The following IL13RA2 variants were observed in gnomAD, a reference collection of about 807,000 sequenced individuals.
The protein encoded by IL13RA2 is interleukin-13 receptor subunit alpha-2.
IL13RA2 carries 25 observed loss-of-function variants against 34.1 expected under a neutral mutation model. The ratio of observed to expected loss-of-function variants is 0.73; its 90% CI spans 0.53 to 1.03. The LOEUF is 1.03. IL13RA2 is among the 50% of genes least tolerant of loss of function. The pLI, the probability that IL13RA2 is intolerant of heterozygous loss-of-function variation, is 0.00. For synonymous variants in IL13RA2, 106 were observed against 100.4 expected (o/e 1.06, Z -0.33); for missense variants, 297 against 280.9 (o/e 1.06, Z -0.41).
chrX:115,006,329 A>G (rs1215646871), intron 8 of IL13RA2, among the ~76,000 whole-genome samples: 1 of 112,004 alleles, frequency 8.9e-6, no homozygotes, highest in Non-Finnish European at 1.9e-5. Context: ...AATGTCCTAA[A>G]GAACTGAGAC....
intron 2 of IL13RA2, among the ~76,000 whole-genome samples, 169 bp from the exon 3 acceptor site, chrX:115,015,990 A>C (rs1233256430): frequency 8.9e-6 from 1 of 112,319 alleles, no homozygotes; most frequent in African/African-American, 3.2e-5. Flanking sequence ...GTACTGATTC[A>C]TGCTACAACA....
At chrX:115,015,598 G>T in intron 3 of IL13RA2, 72 bp downstream of exon 3, 1 of 919,062 alleles carries the variant, frequency 1.1e-6, no homozygotes, top group Middle Eastern at 2.7e-4. Flanking sequence ...AATTGGAGCG[G>T]ACACTAAAGT....
chrX:115,016,201 G>T (rs1569507592), intron 2 of IL13RA2, among the ~76,000 whole-genome samples: 2 of 111,635 alleles, frequency 1.8e-5, no homozygotes, highest in Admixed American at 1.9e-4. Flanking sequence ...TACGGGTGAT[G>T]CAACTATTCT....
rs1556510331 is a variant in IL13RA2, at chrX:115,017,178, T to C, written c.92A>G (p.Lys31Arg). Residue 31 changes from lysine to arginine, a missense_variant and splice_region_variant, in exon 2 of 10, where the codon AAA (lysine) becomes AGA (arginine). By Grantham distance (26) the Lys-to-Arg change is conservative. Transcript: ENST00000243213. ...CTATTCCATTAAAATCCATTTACCT[T>C]TTATCTCGGTGTCTGAAGATGAAGT... ...GCTSSSDTEI[K>R]VNPPQDFEIV... 1.3e-6 allele frequency: 1 copy of C among 784,357 alleles called. No homozygotes were observed. Among genetic ancestry groups the C allele is most frequent in the East Asian group, 3.2e-5 (1 of 31,374 alleles). The allele number at this position is 784,357 out of a possible 1,213,427, so 64.6% of individuals were successfully genotyped here. A position where few individuals can be genotyped will look rare whatever the true frequency, so the allele number is the denominator to read the frequency against.
intron 5 of IL13RA2, among the ~76,000 whole-genome samples, chrX:115,013,449 A>AT (rs2071714348): frequency 8.9e-6 from 1 of 111,763 alleles, no homozygotes; most frequent in African/African-American, 3.3e-5. Context: ...TAGATAACTG[A>AT]TTTTTTAAAA....
chrX:115,014,893 T>C (rs1556509499), intron 3 of IL13RA2, among the ~76,000 whole-genome samples: 1 of 111,947 alleles, frequency 8.9e-6, no homozygotes. Flanking sequence ...TCATATACCA[T>C]AGGCACATTA....
In IL13RA2 at chrX:115,005,302, C is replaced by T. The variant is rs368591186; in HGVS notation, c.1011G>A (p.Ser337=). ...DKQCWEGEDL[S]KKTLLRFWLP... is the part of the protein sequence containing the mutation. The stretch of plus-strand genomic sequence containing the variant: ...GCCAGAAACGTAGCAAAGTTTTCTT[C>T]GATAGGTCTTCACCTAGGATTAAAA... Residue 337 remains serine, a synonymous_variant, in exon 9 of 10, where the codon TCG becomes TCA. Coordinates refer to ENST00000243213, the MANE Select transcript of IL13RA2 (RefSeq NM_000640.3). 29 of 978,874 alleles carry T rather than the reference C, an allele frequency of 3.0e-5. No homozygotes were observed. The highest frequency in any genetic ancestry group is 4.1e-5 in the Non-Finnish European group (28 of 684,097). 80.7% of individuals were successfully genotyped at this position (978,874 alleles called of 1,213,427 possible).
intron 2 of IL13RA2, among the ~76,000 whole-genome samples, chrX:115,016,478 C>G (rs1556510044): frequency 1.8e-5 from 2 of 108,964 alleles, no homozygotes; most frequent in African/African-American, 6.7e-5. Flanking sequence ...TTCAATGTGG[C>G]TTTATCTCTG....
rs782643437 is a variant in IL13RA2 at position 115,008,089 on chromosome X, G to T, written c.853-13C>A. On this transcript the variant is annotated splice_polypyrimidine_tract_variant and intron_variant, in intron 7 of 9. Transcript: ENST00000243213. ...CAACTGTAGCAGTCTGAAAGCCAAG[G>T]ACAAAATCAGATGCCATTATTTGAT... 1.4e-5 allele frequency: 15 copies of T among 1,094,434 alleles called. No individual in the cohort carries two copies. In the South Asian group the frequency reaches 2.8e-4, roughly 21 times the overall value. 90.2% of individuals were successfully genotyped at this position (1,094,434 alleles called of 1,213,427 possible).
chrX:115,010,827 A>G lies in IL13RA2; in HGVS notation c.523T>C (p.Tyr175His). 1 of 994,242 alleles carries G rather than the reference A, an allele frequency of 1.0e-6. No individual in the cohort carries two copies. 81.9% of individuals were successfully genotyped at this position (994,242 alleles called of 1,213,427 possible). Residue 175 changes from tyrosine (Y) to histidine (H), a missense_variant and splice_region_variant, in exon 6 of 10, where the codon TAT (tyrosine) becomes CAT (histidine). By Grantham distance (83) the Tyr-to-His change is moderately conservative. Transcript: ENST00000243213. The part of the protein sequence containing the change: ...LDTNYNLFYW[Y>H]EGLDHALQCV... ...TGTAATGCATGATCCAAGCCCTCAT[A>G]CCTGTAAAATGAGTGTTGTGAGAAT...
At chrX:115,017,324 T>C (rs2071732416) in intron 1 of IL13RA2, 22 bp from the exon 2 acceptor site, 1 of 597,243 alleles carries the variant, frequency 1.7e-6, no homozygotes, top group African/African-American at 2.3e-5. Flanking sequence ...AAATATAACA[T>C]TTTAACTTTA....
chrX:115,016,708 CATT>C (rs1343505684), intron 2 of IL13RA2, among the ~76,000 whole-genome samples: 20 of 104,112 alleles, frequency 1.9e-4, no homozygotes, highest in Middle Eastern at 5.0e-3. Context: ...AAAACATTAA[CATT>C]ATATTAAATA....
At chrX:115,016,932 G>A (rs1425934278) in intron 2 of IL13RA2, among the ~76,000 whole-genome samples, 1 of 110,181 alleles carries the variant, frequency 9.1e-6, no homozygotes, top group East Asian at 2.8e-4. Flanking sequence ...GGTATGGAGA[G>A]TGTTTTTAAT....
At chrX:115,010,519 G>GTC (rs781818882) in intron 6 of IL13RA2, 125 bp downstream of exon 6, 43 of 386,210 alleles carry the variant, frequency 1.1e-4, no homozygotes, top group Non-Finnish European at 2.7e-5. Flanking sequence ...ATAGGTCTCT[G>GTC]TCTCTCTCTC....
At position 115,014,404 on chromosome X, in the gene IL13RA2, G is replaced by A; in HGVS notation, c.400+17C>T. 8.8e-7 allele frequency: 1 copy of A among 1,136,440 alleles called. No individual in the cohort carries two copies. The highest frequency in any genetic ancestry group is 3.0e-5 in the East Asian group (1 of 33,150). 93.7% of individuals were successfully genotyped at this position (1,136,440 alleles called of 1,213,427 possible). Reference sequence around the variant, plus strand: ...GTTCTGATAGTATTAAATATGAAAAGAGAGCTTTGTTTTAACCTTGTGGTG... The same window carrying A: ...GTTCTGATAGTATTAAATATGAAAAAAGAGCTTTGTTTTAACCTTGTGGTG... On this transcript the variant is annotated intron_variant, in intron 4 of 9. Transcript: ENST00000243213.
At position 115,013,881 on chromosome X, in the gene IL13RA2, C is replaced by T; in HGVS notation, c.409G>A (p.Glu137Lys). ...TYWISPQGIPETKVQDMDCVY... is the reference protein window; with the variant it reads ...TYWISPQGIPKTKVQDMDCVY... ...CAATCCATATCCTGAACTTTAGTTT[C>T]TGGAATTCCTAAGGAACAAATCAAC... Residue 137 changes from glutamate (E) to lysine (K), a missense_variant, in exon 5 of 10, where the codon GAA becomes AAA. Coordinates refer to ENST00000243213, the MANE Select transcript of IL13RA2 (RefSeq NM_000640.3). 9.5e-7 allele frequency: 1 copy of T among 1,050,599 alleles called. No homozygotes were observed. Among genetic ancestry groups the T allele is most frequent in the East Asian group, 3.0e-5 (1 of 32,977 alleles). 86.6% of individuals were successfully genotyped at this position (1,050,599 alleles called of 1,213,427 possible).
chrX:115,010,872 T>C lies in IL13RA2; in HGVS notation c.522-44A>G, dbSNP rs5988196. On this transcript the variant is annotated intron_variant, in intron 5 of 9. Coordinates refer to ENST00000243213, the MANE Select transcript of IL13RA2 (RefSeq NM_000640.3). ...GAGAATTGTGTTTAAATAACAATCT[T>C]TTCCAGTATCAAGGCACTTCATTTT... is the stretch of plus-strand genomic sequence containing the variant. 16,176 of 625,289 alleles carry C rather than the reference T, an allele frequency of 0.026. 1,825 individuals are homozygous for C. The African/African-American group carries it at 0.33, about 13-fold the overall frequency. The allele number at this position is 625,289 out of a possible 1,213,427, so 51.5% of individuals were successfully genotyped here. A position where few individuals can be genotyped will look rare whatever the true frequency, so the allele number is the denominator to read the frequency against.
At position 115,014,410 on chromosome X, in the gene IL13RA2, T is replaced by C. The variant is rs782443369; in HGVS notation, c.400+11A>G. ...ATAGTATTAAATATGAAAAGAGAGCTTTGTTTTAACCTTGTGGTGATATCC... is the reference window on the plus strand; with the variant it reads ...ATAGTATTAAATATGAAAAGAGAGCCTTGTTTTAACCTTGTGGTGATATCC... On this transcript the variant is annotated intron_variant, in intron 4 of 9. Transcript: ENST00000243213. The C allele has an allele frequency of 8.6e-7, 1 of 1,157,586 alleles. No individual in the cohort carries two copies. Among genetic ancestry groups the C allele is most frequent in the Non-Finnish European group, 1.2e-6 (1 of 854,321 alleles).
intron 3 of IL13RA2, 72 bp downstream of exon 3, chrX:115,015,598 G>A: frequency 1.1e-6 from 1 of 919,064 alleles, no homozygotes; most frequent in Non-Finnish European, 1.6e-6. Flanking sequence ...AATTGGAGCG[G>A]ACACTAAAGT....
Sources: allele counts gnomAD v4.1 joint callset (sites outside exome capture counted in the v4.1 genomes callset), GRCh38; gene constraint gnomAD v4.1.1; transcripts MANE v1.5; gene names NCBI Gene and HGNC (gene_info 2026-07-23, HGNC 2026-07-21).